RBFOX1: variants seen among roughly 807,000 people sequenced by gnomAD.
The protein encoded by RBFOX1 is RNA binding protein fox-1 homolog 1.
In RBFOX1, 8 loss-of-function variants were observed where a neutral mutation model predicts 57.7. The observed-to-expected ratio is 0.14, with a 90% CI of 0.08 to 0.25. The LOEUF is 0.25. Among genes scored for constraint, RBFOX1 ranks in the 10% least tolerant of loss-of-function variants. The pLI is 1.00. For synonymous variants in RBFOX1, 326 were observed against 222.4 expected (o/e 1.47, Z -4.15); for missense variants, 611 against 548.5 (o/e 1.11, Z -1.14).
chr16:7,337,510 G>A (rs1001963885), intron 4 of RBFOX1, among the ~76,000 whole-genome samples: 6 of 152,144 alleles, frequency 3.9e-5, no homozygotes, highest in African/African-American at 1.4e-4. Context: ...TGTAGGATGT[G>A]ACGATGTTTA....
chr16:6,284,899 G>C (rs534883979), intron 1 of RBFOX1, among the ~76,000 whole-genome samples: 1 of 152,222 alleles, frequency 6.6e-6, no homozygotes, highest in African/African-American at 2.4e-5. Flanking sequence ...TTGTGAAATG[G>C]AGTGAAAACA....
At chr16:7,575,743 G>A (rs1047613355) in intron 5 of RBFOX1, among the ~76,000 whole-genome samples, 4 of 152,092 alleles carry the variant, frequency 2.6e-5, no homozygotes, top group African/African-American at 4.8e-5. Context: ...GACATAAAAC[G>A]CTGGCTGGTT....
intron 4 of RBFOX1, among the ~76,000 whole-genome samples, chr16:7,363,986 T>G (rs1188619322): frequency 6.6e-6 from 1 of 152,162 alleles, no homozygotes; most frequent in Non-Finnish European, 1.5e-5. Flanking sequence ...AGGGGAAATA[T>G]TTTTGAACAG....
chr16:5,874,855 G>T (rs940829783), intron 4 of RBFOX1, among the ~76,000 whole-genome samples: 3 of 152,120 alleles, frequency 2.0e-5, no homozygotes, highest in Non-Finnish European at 4.4e-5. Flanking sequence ...TGAGACGGGA[G>T]GATCACTTGG....
At chr16:5,555,867 C>G (rs1288161257) in intron 2 of RBFOX1, among the ~76,000 whole-genome samples, 4 of 151,796 alleles carry the variant, frequency 2.6e-5, no homozygotes, top group African/African-American at 7.3e-5. Context: ...ACTAAAAATA[C>G]AAAATTAGCC....
intron 1 of RBFOX1, among the ~76,000 whole-genome samples, chr16:5,416,934 G>A (rs1156363119): frequency 6.6e-6 from 1 of 152,156 alleles, no homozygotes; most frequent in Non-Finnish European, 1.5e-5. Flanking sequence ...AAACCAAGGG[G>A]ATGGCTTATG....
intron 4 of RBFOX1, among the ~76,000 whole-genome samples, chr16:7,328,172 G>A (rs1052743652): frequency 2.0e-5 from 3 of 152,026 alleles, no homozygotes; most frequent in Non-Finnish European, 4.4e-5. Flanking sequence ...CCCAGCTTAT[G>A]TTAGCTGTTA....
chr16:6,450,847 A>ATGTG (rs1567304013), intron 2 of RBFOX1, among the ~76,000 whole-genome samples: 2 of 66,462 alleles, frequency 3.0e-5, no homozygotes, highest in African/African-American at 1.2e-4. Flanking sequence ...GTGTATATAT[A>ATGTG]TATATATATA....
At chr16:5,984,451 A>G (rs1394794389) in intron 4 of RBFOX1, among the ~76,000 whole-genome samples, 2 of 151,932 alleles carry the variant, frequency 1.3e-5, no homozygotes, top group African/African-American at 4.8e-5. Context: ...CCAAATTATT[A>G]TCCAGCCATA....
At chr16:7,483,844 G>A (rs74010518) in intron 4 of RBFOX1, among the ~76,000 whole-genome samples, 5,475 of 152,246 alleles carry the variant, frequency 0.036, 319 homozygotes, top group African/African-American at 0.13. Flanking sequence ...CAGAGGCTGC[G>A]CATCAGATGT....
intron 4 of RBFOX1, among the ~76,000 whole-genome samples, chr16:7,464,759 T>C (rs1194455740): frequency 2.9e-5 from 4 of 136,888 alleles, no homozygotes; most frequent in East Asian, 2.3e-4. Flanking sequence ...TGCAGTCGCG[T>C]GATCTCGGCT....
chr16:5,623,383 C>T (rs190412997), intron 3 of RBFOX1, among the ~76,000 whole-genome samples: 2 of 152,270 alleles, frequency 1.3e-5, no homozygotes, highest in African/African-American at 2.4e-5. Context: ...ATGTACTGCA[C>T]TGAACAAAAC....
In RBFOX1 at chr16:7,394,965, G is replaced by A. The variant is rs552113191; in HGVS notation, c.28-123182G>A. Reference sequence around the variant, plus strand: ...CATGTGAGAATATATACCCATCATGGTACTGTGTGAGCCTGTGTACGTGCT... The same window carrying A: ...CATGTGAGAATATATACCCATCATGATACTGTGTGAGCCTGTGTACGTGCT... On this transcript the variant is annotated intron_variant, in intron 4 of 15. Coordinates refer to ENST00000550418, the MANE Select transcript of RBFOX1 (RefSeq NM_018723.4). Among the ~76,000 whole-genome samples the A allele has an allele frequency of 8.9e-4, 135 of 152,244 alleles. 2 individuals carry two copies. Among genetic ancestry groups the A allele is most frequent in the African/African-American group, 3.2e-3 (133 of 41,546 alleles).
intron 1 of RBFOX1, among the ~76,000 whole-genome samples, chr16:5,261,751 C>T (rs139492680): frequency 0.034 from 5,199 of 152,104 alleles, 215 homozygotes; most frequent in African/African-American, 0.097. Context: ...GGGGTTTCAC[C>T]GTGTTAGCCA....
intron 3 of RBFOX1, among the ~76,000 whole-genome samples, chr16:6,754,906 C>T (rs1003665714): frequency 2.6e-5 from 4 of 152,000 alleles, no homozygotes; most frequent in African/African-American, 4.8e-5. Flanking sequence ...TTGCTGTGTC[C>T]ATGTGTTCTC....
intron 3 of RBFOX1, among the ~76,000 whole-genome samples, chr16:6,818,004 C>T (rs1656029772): frequency 6.6e-6 from 1 of 152,166 alleles, no homozygotes; most frequent in South Asian, 2.1e-4. Flanking sequence ...GCTAAATGAG[C>T]ATGGGTTAGT....
chr16:5,746,131 G>T (rs184874094), intron 3 of RBFOX1, among the ~76,000 whole-genome samples: 3 of 152,276 alleles, frequency 2.0e-5, no homozygotes, highest in East Asian at 1.9e-4. Flanking sequence ...TGTAAAGAAG[G>T]GATCCAGTTT....
At chr16:7,664,374 C>A (rs1263781509) in intron 12 of RBFOX1, among the ~76,000 whole-genome samples, 1 of 152,074 alleles carries the variant, frequency 6.6e-6, no homozygotes, top group Admixed American at 6.6e-5. Context: ...AATGCACGTG[C>A]AATTACCAAA....
chr16:6,671,090 A>T (rs185163322), intron 3 of RBFOX1, among the ~76,000 whole-genome samples: 1 of 152,350 alleles, frequency 6.6e-6, no homozygotes, highest in Admixed American at 6.5e-5. Flanking sequence ...ACGTATGAAC[A>T]ACCAGATAAT....
Sources: allele counts gnomAD v4.1 joint callset (sites outside exome capture counted in the v4.1 genomes callset), GRCh38; gene constraint gnomAD v4.1.1; transcripts MANE v1.5; gene names NCBI Gene and HGNC (gene_info 2026-07-23, HGNC 2026-07-21).